Variants in UBE2E2 observed in about 807,000 individuals in gnomAD.
UBE2E2 encodes ubiquitin conjugating enzyme E2 E2.
Under a neutral mutation model 24.7 loss-of-function variants are expected in UBE2E2, and 6 were observed. That is an observed-to-expected ratio of 0.24 (90% CI 0.13 to 0.48). The LOEUF (loss-of-function observed/expected upper bound fraction) is 0.48, where lower values mean the gene tolerates loss of function less well. Among genes scored for constraint, UBE2E2 ranks in the 20% least tolerant of loss-of-function variants. The pLI, the probability that UBE2E2 is intolerant of heterozygous loss-of-function variation, is 0.99. For missense variants in UBE2E2, 169 were observed against 245.0 expected (o/e 0.69, Z 2.07); for synonymous variants, 104 against 83.6 (o/e 1.24, Z -1.33).
intron 3 of UBE2E2, among the ~76,000 whole-genome samples, chr3:23,333,402 T>C (rs1374867382): frequency 6.6e-6 from 1 of 152,162 alleles, no homozygotes; most frequent in Non-Finnish European, 1.5e-5. Context: ...GAAACAGAGT[T>C]ATTAGGACTA....
chr3:23,547,386 A>G (rs527985482), intron 5 of UBE2E2, among the ~76,000 whole-genome samples: 4 of 152,308 alleles, frequency 2.6e-5, no homozygotes, highest in South Asian at 4.1e-4. Flanking sequence ...GTAGCTGACT[A>G]TGGTCTGTAT....
At chr3:23,535,592 G>A (rs1480786616) in intron 5 of UBE2E2, among the ~76,000 whole-genome samples, 2 of 146,762 alleles carry the variant, frequency 1.4e-5, no homozygotes, top group East Asian at 2.0e-4. Flanking sequence ...CTTCATGATG[G>A]TGTTTATTGA....
intron 5 of UBE2E2, among the ~76,000 whole-genome samples, chr3:23,556,453 T>TGAAAAAAAAAAAAAAAAAA (rs1321819270): frequency 1.4e-5 from 1 of 69,004 alleles, no homozygotes; most frequent in Non-Finnish European, 2.9e-5. Context: ...TAAAATTTAT[T>TGAAAAAAAAAAAAAAAAAA]TAAAAAAAAA....
At chr3:23,268,657 C>G (rs1698132654) in intron 3 of UBE2E2, among the ~76,000 whole-genome samples, 1 of 148,502 alleles carries the variant, frequency 6.7e-6, no homozygotes, top group South Asian at 2.2e-4. Context: ...AATGCCATCC[C>G]CATCAAGCTA....
intron 2 of UBE2E2, among the ~76,000 whole-genome samples, chr3:23,213,234 A>C (rs2125319323): frequency 6.6e-6 from 1 of 152,234 alleles, no homozygotes; most frequent in Admixed American, 6.5e-5. Context: ...CAAGAAATGT[A>C]TGTGTGTGTT....
intron 3 of UBE2E2, among the ~76,000 whole-genome samples, chr3:23,379,596 A>G (rs1054178318): frequency 7.3e-5 from 11 of 151,540 alleles, no homozygotes; most frequent in Non-Finnish European, 1.2e-4. Context: ...ATGGCTGCAT[A>G]GTATTCCATG....
chr3:23,536,393 A>G (rs930922086), intron 5 of UBE2E2, among the ~76,000 whole-genome samples: 6 of 152,170 alleles, frequency 3.9e-5, no homozygotes, highest in East Asian at 1.9e-4. Flanking sequence ...TGAGACGTGT[A>G]TAGGTCTGTA....
chr3:23,337,165 G>T (rs1437594644), intron 3 of UBE2E2, among the ~76,000 whole-genome samples: 2 of 151,102 alleles, frequency 1.3e-5, no homozygotes, highest in Non-Finnish European at 2.9e-5. Context: ...AAATTCAGCT[G>T]ATTACTACTT....
chr3:23,291,889 C>T lies in UBE2E2; in HGVS notation c.227+74577C>T, dbSNP rs572313233. Among the ~76,000 whole-genome samples, 91 of 114,222 alleles carry T rather than the reference C, an allele frequency of 8.0e-4. 1 individual carries two copies. Among genetic ancestry groups the T allele is most frequent in the African/African-American group, 3.2e-3 (87 of 27,542 alleles). 74.9% of individuals were successfully genotyped at this position (114,222 alleles called of 152,430 possible). A position where few individuals can be genotyped will look rare whatever the true frequency, so the allele number is the denominator to read the frequency against. The stretch of plus-strand genomic sequence containing the variant: ...TTTTTTTTTTTTTGAGACAGAGTCT[C>T]GCTCTTTGGCCCAGGCCAGAGTGCA... On this transcript the variant is annotated intron_variant, in intron 3 of 5. Coordinates refer to ENST00000396703, the MANE Select transcript of UBE2E2 (RefSeq NM_152653.4).
intron 5 of UBE2E2, among the ~76,000 whole-genome samples, chr3:23,573,854 C>G (rs1696280889): frequency 6.6e-6 from 1 of 152,076 alleles, no homozygotes; most frequent in Non-Finnish European, 1.5e-5. Flanking sequence ...ATAAGCTCTC[C>G]TTTTTCTTGA....
chr3:23,505,156 A>G (rs1355372984), intron 4 of UBE2E2, among the ~76,000 whole-genome samples: 1 of 151,012 alleles, frequency 6.6e-6, no homozygotes, highest in African/African-American at 2.4e-5. Context: ...CCGGGGCTCA[A>G]GCAGTCTGCG....
chr3:23,353,296 A>G (rs1316345553), intron 3 of UBE2E2, among the ~76,000 whole-genome samples: 3 of 151,898 alleles, frequency 2.0e-5, no homozygotes, highest in African/African-American at 7.3e-5. Flanking sequence ...ATGGGCAAAA[A>G]CTGGAAGCAT....
intron 3 of UBE2E2, among the ~76,000 whole-genome samples, chr3:23,409,258 A>G (rs1697443347): frequency 6.6e-6 from 1 of 152,214 alleles, no homozygotes; most frequent in South Asian, 2.1e-4. Flanking sequence ...AGAGTGTTAC[A>G]CAGTTAGCTC....
chr3:23,534,329 G>GTT lies in UBE2E2; in HGVS notation c.508+1639_508+1640dup, dbSNP rs199720039. ...AAAAAGACTTCTGTTCAGTGAACTAGTTTTTTTTTTTTGCTCCGTTTCAGA... is the reference window on the plus strand; with the variant it reads ...AAAAAGACTTCTGTTCAGTGAACTAGTTTTTTTTTTTTTTGCTCCGTTTCAGA... On this transcript the variant is annotated intron_variant, in intron 5 of 5. Transcript: ENST00000396703. 1,243 of 623,512 alleles carry GTT rather than the reference G, an allele frequency of 2.0e-3. 1 individual carries two copies. The highest frequency in any genetic ancestry group is 2.2e-3 in the Non-Finnish European group (1,135 of 504,956). 38.6% of individuals were successfully genotyped at this position (623,512 alleles called of 1,614,324 possible).
At position 23,272,593 on chromosome 3, in the gene UBE2E2, A is replaced by G. The variant is rs149423232; in HGVS notation, c.227+55281A>G. On this transcript the variant is annotated intron_variant, in intron 3 of 5. Transcript: ENST00000396703. ...GTGTTGTAGTGTATGTGTGAAAGGG[A>G]GTTTTGCAATGGGAGTATGGGATGA... is the stretch of plus-strand genomic sequence containing the variant. 8.9e-4 allele frequency among the ~76,000 whole-genome samples: 136 copies of G among 152,272 alleles called. No homozygotes were observed. In the Middle Eastern group the frequency reaches 0.01, roughly 11 times the overall value.
chr3:23,337,105 A>C (rs1244905624), intron 3 of UBE2E2, among the ~76,000 whole-genome samples: 1 of 150,604 alleles, frequency 6.6e-6, no homozygotes, highest in Non-Finnish European at 1.5e-5. Flanking sequence ...ATGCTACTGC[A>C]CTCCAGCCTG....
intron 2 of UBE2E2, 70 bp from the exon 3 acceptor site, chr3:23,217,192 C>G (rs946259411): frequency 7.5e-7 from 1 of 1,340,214 alleles, no homozygotes; most frequent in Non-Finnish European, 1.1e-6. Flanking sequence ...TAAAATGTAA[C>G]GTTTTAATGA....
intron 2 of UBE2E2, among the ~76,000 whole-genome samples, chr3:23,215,608 C>CT (rs1472750028): frequency 6.6e-6 from 1 of 152,176 alleles, no homozygotes; most frequent in Non-Finnish European, 1.5e-5. Context: ...GGTATACACT[C>CT]TGCAGCCCCC....
At chr3:23,258,676 G>A (rs1159476755) in intron 3 of UBE2E2, among the ~76,000 whole-genome samples, 1 of 152,046 alleles carries the variant, frequency 6.6e-6, no homozygotes, top group African/African-American at 2.4e-5. Flanking sequence ...GGCAGATCAC[G>A]AGCTCAGGAG....
Sources: gnomAD v4.1 joint callset for allele counts (sites outside exome capture counted in the v4.1 genomes callset) on GRCh38, gnomAD v4.1.1 for gene constraint, MANE v1.5 for transcripts, NCBI Gene and HGNC (gene_info 2026-07-23, HGNC 2026-07-21) for gene names.